Variants in PIGZ observed in about 807,000 individuals in gnomAD.
The protein encoded by PIGZ is phosphatidylinositol glycan anchor biosynthesis class Z (Gwada blood group).
A neutral mutation model predicts 16.4 loss-of-function variants in PIGZ; 16 were observed. The observed-to-expected ratio is 0.97, with a 90% confidence interval of 0.66 to 1.48. The LOEUF (loss-of-function observed/expected upper bound fraction) is 1.48. Ranked by LOEUF, PIGZ falls within the 40% of genes most tolerant of loss-of-function variation. The probability of loss-of-function intolerance (pLI) is 0.00; values close to 1 mark genes in which losing one functional copy is unlikely to be tolerated. For missense variants in PIGZ, 770 were observed against 739.2 expected, an observed-to-expected ratio of 1.04 and a Z score of -0.48; for synonymous variants, 409 against 338.4, an observed-to-expected ratio of 1.21 and a Z score of -2.29.
intron 1 of PIGZ, among the ~76,000 whole-genome samples, chr3:196,955,787 C>T (rs1358937681): frequency 6.6e-6 from 1 of 151,956 alleles, no homozygotes; most frequent in Non-Finnish European, 1.5e-5. Flanking sequence ...CCGTGTTGGC[C>T]ATGCTGGTCT....
chr3:196,956,509 T>C (rs750867821), intron 1 of PIGZ, among the ~76,000 whole-genome samples: 46 of 152,206 alleles, frequency 3.0e-4, no homozygotes, highest in Non-Finnish European at 5.3e-4. Flanking sequence ...TTCAATTATC[T>C]CCCACCAGGT....
chr3:196,958,933 A>T (rs1717605071), intron 1 of PIGZ, among the ~76,000 whole-genome samples: 1 of 152,216 alleles, frequency 6.6e-6, no homozygotes. Context: ...TTGTGTTGCT[A>T]TCACAGGATG....
chr3:196,947,417 C>T lies in PIGZ; in HGVS notation c.1480G>A (p.Ala494Thr), dbSNP rs779492125. The part of the protein sequence containing the change: ...VVDMGGTEDW[A>T]LCQTLKSFTR... ...AAGCTTTTCAGGGTTTGGCACAGGG[C>T]CCAGTCCTCAGTCCCCCCCATGTCC... is the stretch of plus-strand genomic sequence containing the variant. The change falls in exon 3 of 3, where the codon GCC becomes ACC. Residue 494 changes from alanine to threonine, a missense_variant. Transcript: ENST00000412723. 5.0e-6 allele frequency: 8 copies of T among 1,613,868 alleles called. No individual in the cohort carries two copies. The Admixed American group carries it at 1.0e-4, about 20-fold the overall frequency.
chr3:196,968,189 G>A (rs1429992482), intron 1 of PIGZ, among the ~76,000 whole-genome samples: 1 of 152,180 alleles, frequency 6.6e-6, no homozygotes, highest in Non-Finnish European at 1.5e-5. Context: ...TGCAGGCCTG[G>A]CCCGAAGTGC....
In PIGZ at chr3:196,965,720, G is replaced by A. The variant is rs762974764; in HGVS notation, c.-1+2967C>T. Among the ~76,000 whole-genome samples, 1 of 152,192 alleles carries A rather than the reference G, an allele frequency of 6.6e-6. No homozygotes were observed. Among genetic ancestry groups the A allele is most frequent in the Non-Finnish European group, 1.5e-5 (1 of 68,040 alleles). On this transcript the variant is annotated intron_variant, in intron 1 of 2. Transcript: ENST00000412723. The surrounding 1 kb of genome is among the most constrained non-coding windows in gnomAD (Gnocchi z 4.2). ...GGCTGTGCAGAATCTTTGGATGGCTGGAGGCCCTGGGTTGGTTGTTTCTGT... is the reference window on the plus strand; with the variant it reads ...GGCTGTGCAGAATCTTTGGATGGCTAGAGGCCCTGGGTTGGTTGTTTCTGT...
At position 196,948,959 on chromosome 3, in the gene PIGZ, TTCCTTCCCTTCCCCTCCCC is replaced by T. The variant is rs1560181216; in HGVS notation, c.212-293_212-275del. Among the ~76,000 whole-genome samples, 8 of 44,640 alleles carry T rather than the reference TTCCTTCCCTTCCCCTCCCC, an allele frequency of 1.8e-4. 1 individual carries two copies. The highest frequency in any genetic ancestry group is 3.3e-4 in the African/African-American group (3 of 9,076). The allele number at this position is 44,640 out of a possible 152,430, so 29.3% of individuals were successfully genotyped here. ...CTTCCCTTCCTTCCCCTCCCCTCCC[TTCCTTCCCTTCCCCTCCCC>T]TCCCTTCCCTTCCTTCCCTTTACTT... On this transcript the variant is annotated intron_variant, in intron 2 of 2. Coordinates refer to ENST00000412723, the MANE Select transcript of PIGZ (RefSeq NM_025163.4).
intron 2 of PIGZ, 185 bp downstream of exon 2, chr3:196,951,636 C>A: frequency 3.2e-6 from 2 of 623,488 alleles, no homozygotes; most frequent in Non-Finnish European, 5.7e-6. Flanking sequence ...TCAGTGTCAC[C>A]ACTCGGGAAG....
intron 2 of PIGZ, among the ~76,000 whole-genome samples, chr3:196,949,349 C>T (rs1717169975): frequency 6.6e-6 from 1 of 152,082 alleles, no homozygotes; most frequent in South Asian, 2.1e-4. Flanking sequence ...GAGTTTTCAC[C>T]AGCTGGACGC....
At chr3:196,968,642 C>G (rs1203260074) in intron 1 of PIGZ, 45 bp downstream of exon 1, 6 of 152,416 alleles carry the variant, frequency 3.9e-5, no homozygotes, top group African/African-American at 1.2e-4. Flanking sequence ...CTCGCCCTCC[C>G]CGCACCCGCT....
intron 1 of PIGZ, among the ~76,000 whole-genome samples, chr3:196,958,392 A>G (rs902539325): frequency 6.6e-6 from 1 of 152,218 alleles, no homozygotes; most frequent in African/African-American, 2.4e-5. Flanking sequence ...GAACTTTGGG[A>G]GGCTGAGGCC....
rs1400257637 is a variant in PIGZ, at chr3:196,948,362, T to C, written c.535A>G (p.Thr179Ala). ...CACGTGAAGAGGAGTCCCTCAATGG[T>C]GTTGGAGAAGGTCCTTGTGTAGAAG... is the stretch of plus-strand genomic sequence containing the variant. ...LVFYTRTFSNTIEGLLFTWLL... is the reference protein window; with the variant it reads ...LVFYTRTFSNAIEGLLFTWLL... Residue 179 changes from threonine (T) to alanine (A), a missense_variant, in exon 3 of 3, where the codon ACC becomes GCC. By Grantham distance (58) the Thr-to-Ala change is moderately conservative (BLOSUM62 0). Coordinates refer to ENST00000412723, the MANE Select transcript of PIGZ (RefSeq NM_025163.4). 13 of 1,613,770 alleles carry C rather than the reference T, an allele frequency of 8.1e-6. No homozygotes were observed. Among genetic ancestry groups the C allele is most frequent in the Non-Finnish European group, 1.1e-5 (13 of 1,179,948 alleles).
chr3:196,953,058 C>T (rs928834124), intron 1 of PIGZ, among the ~76,000 whole-genome samples: 2 of 152,220 alleles, frequency 1.3e-5, no homozygotes, highest in African/African-American at 2.4e-5. Flanking sequence ...CAACCACCAG[C>T]TTTCCTGGTT....
chr3:196,958,555 T>C (rs765426070), intron 1 of PIGZ, among the ~76,000 whole-genome samples: 2 of 152,308 alleles, frequency 1.3e-5, no homozygotes, highest in South Asian at 2.1e-4. Flanking sequence ...CGCTTGAACC[T>C]GGGAGGCGGA....
intron 1 of PIGZ, among the ~76,000 whole-genome samples, 157 bp from the exon 2 acceptor site, chr3:196,952,188 G>A (rs190374627): frequency 2.4e-4 from 37 of 152,312 alleles, no homozygotes; most frequent in Non-Finnish European, 4.1e-4. Flanking sequence ...CACGTGACAT[G>A]CATATTTCAT....
chr3:196,962,207 T>C (rs1029646847), intron 1 of PIGZ, among the ~76,000 whole-genome samples: 2 of 152,228 alleles, frequency 1.3e-5, no homozygotes, highest in African/African-American at 4.8e-5. Context: ...TGCGCTGTAT[T>C]GACTCAAGGT....
In PIGZ at chr3:196,948,856, T is replaced by TCCCTCCCTTCCCTTCCTTCCTTC. The variant is rs1560180606; in HGVS notation, c.212-172_212-171insGAAGGAAGGAAGGGAAGGGAGGG. Among the ~76,000 whole-genome samples the TCCCTCCCTTCCCTTCCTTCCTTC allele has an allele frequency of 3.4e-4, 39 of 116,362 alleles. 3 individuals carry two copies. Among genetic ancestry groups the TCCCTCCCTTCCCTTCCTTCCTTC allele is most frequent in the African/African-American group, 1.3e-3 (32 of 25,466 alleles). 76.3% of individuals were successfully genotyped at this position (116,362 alleles called of 152,430 possible). A position where few individuals can be genotyped will look rare whatever the true frequency, so the allele number is the denominator to read the frequency against. On this transcript the variant is annotated intron_variant, in intron 2 of 2. Transcript: ENST00000412723. ...TTCCCTCCCTCTCTCCCTCCTTCTTTCCCTTCCTTCCCTTCCTTCCTTCCC... is the reference window on the plus strand; with the variant it reads ...TTCCCTCCCTCTCTCCCTCCTTCTTTCCCTCCCTTCCCTTCCTTCCTTCCCCTTCCTTCCCTTCCTTCCTTCCC...
intron 1 of PIGZ, among the ~76,000 whole-genome samples, chr3:196,959,451 G>A (rs980758688): frequency 6.6e-6 from 1 of 152,112 alleles, no homozygotes; most frequent in Admixed American, 6.5e-5. Context: ...TATATCATGA[G>A]CATCCCCTCC....
rs951870268 is a variant in PIGZ at position 196,965,246 on chromosome 3, A to G, written c.-1+3441T>C. On this transcript the variant is annotated intron_variant, in intron 1 of 2. Transcript: ENST00000412723. This position sits in a 1 kb window ranked among gnomAD's most constrained non-coding sequence, Gnocchi z 4.2. ...CTACATTGCTGGGGAAGTTTCAGGA[A>G]ACTTACAGTCATAGCGGAAGGGGAA... Among the ~76,000 whole-genome samples the G allele has an allele frequency of 3.3e-5, 5 of 152,230 alleles. No individual in the cohort carries two copies. Among genetic ancestry groups the G allele is most frequent in the Admixed American group, 6.5e-5 (1 of 15,286 alleles).
At chr3:196,949,761 G>C (rs1560182240) in intron 2 of PIGZ, among the ~76,000 whole-genome samples, 1 of 152,150 alleles carries the variant, frequency 6.6e-6, no homozygotes, top group Non-Finnish European at 1.5e-5. Flanking sequence ...TGTGTCCTGG[G>C]AAGAGTGTGT....
Sources: allele counts gnomAD v4.1 joint callset (sites outside exome capture counted in the v4.1 genomes callset), GRCh38; gene constraint gnomAD v4.1.1; non-coding constraint Gnocchi (gnomAD v3.1); transcripts MANE v1.5; gene names NCBI Gene and HGNC (gene_info 2026-07-23, HGNC 2026-07-21).